HAPLN1: variants seen among roughly 807,000 people sequenced by gnomAD.
HAPLN1 encodes the protein Cartilage link protein.
Under a neutral mutation model 36.5 loss-of-function variants are expected in HAPLN1, and 13 were observed. The observed-to-expected ratio is 0.36, with a 90% CI of 0.23 to 0.57. The LOEUF is 0.57. Ranked by LOEUF, HAPLN1 falls within the 20% of genes least tolerant of loss-of-function variation. The probability of loss-of-function intolerance (pLI) is 0.83; values close to 1 mark genes in which losing one functional copy is unlikely to be tolerated. For missense variants in HAPLN1, 407 were observed against 439.7 expected, an observed-to-expected ratio of 0.93 and a Z score of 0.66; for synonymous variants, 202 against 169.8, an observed-to-expected ratio of 1.19 and a Z score of -1.48.
chr5:83,710,989 G>A (rs1181048035), intron 1 of HAPLN1, among the ~76,000 whole-genome samples: 5 of 151,926 alleles, frequency 3.3e-5, no homozygotes, highest in African/African-American at 1.2e-4. Flanking sequence ...GAGTGGGAGA[G>A]GTTGATAATA....
intron 1 of HAPLN1, among the ~76,000 whole-genome samples, chr5:83,709,266 A>G (rs1689558969): frequency 6.6e-6 from 1 of 152,160 alleles, no homozygotes; most frequent in Admixed American, 6.5e-5. Flanking sequence ...CTATTTTCAT[A>G]TTGGGCAAAT....
chr5:83,648,497 C>T (rs890336973), intron 3 of HAPLN1, among the ~76,000 whole-genome samples: 10 of 138,920 alleles, frequency 7.2e-5, no homozygotes, highest in African/African-American at 2.7e-4. Flanking sequence ...GGCTTGAATC[C>T]AAGGCAGAAT....
chr5:83,664,508 A>G (rs1750502008), intron 2 of HAPLN1, among the ~76,000 whole-genome samples: 1 of 151,814 alleles, frequency 6.6e-6, no homozygotes. Context: ...TCGGCCTTCC[A>G]AGCAGCTGGG....
chr5:83,652,308 G>T, intron 3 of HAPLN1, 145 bp downstream of exon 3: 1 of 765,204 alleles, frequency 1.3e-6, no homozygotes. Flanking sequence ...TAGGCAGACT[G>T]TAGAATACAA....
intron 1 of HAPLN1, among the ~76,000 whole-genome samples, chr5:83,701,959 A>AC (rs1561322716): frequency 1.4e-4 from 20 of 145,196 alleles, no homozygotes; most frequent in African/African-American, 3.0e-4. Context: ...CACACACACA[A>AC]AATCTATATG....
chr5:83,641,757 G>T lies in HAPLN1; in HGVS notation c.804C>A (p.Thr268=). ...NGRFYYLIHP[T]KLTYDEAVQA... is the part of the protein sequence containing the mutation. ...GCACCGCTTCATCATAGGTCAGTTTGGTGGGGTGGATCAGATAGTAAAAAC... is the reference window on the plus strand; with the variant it reads ...GCACCGCTTCATCATAGGTCAGTTTTGTGGGGTGGATCAGATAGTAAAAAC... Residue 268 remains threonine, a synonymous_variant, in exon 5 of 5, where the codon ACC becomes ACA. Transcript: ENST00000274341. 1.2e-6 allele frequency: 2 copies of T among 1,614,100 alleles called. No individual in the cohort carries two copies. The highest frequency in any genetic ancestry group is 1.7e-6 in the Non-Finnish European group (2 of 1,180,004).
intron 1 of HAPLN1, among the ~76,000 whole-genome samples, chr5:83,701,927 AACACACACACACAC>A (rs112813015): frequency 1.5e-4 from 21 of 143,848 alleles, no homozygotes; most frequent in African/African-American, 5.2e-4. Context: ...CTTCGACAAA[AACACACACACACAC>A]ACACACACAC....
chr5:83,672,817 C>G (rs1449732832), intron 2 of HAPLN1, among the ~76,000 whole-genome samples: 2 of 152,174 alleles, frequency 1.3e-5, no homozygotes, highest in Admixed American at 6.5e-5. Context: ...TGCAGGATGT[C>G]CCTCATCTGA....
intron 1 of HAPLN1, among the ~76,000 whole-genome samples, chr5:83,684,608 A>G (rs1188189870): frequency 6.6e-6 from 1 of 152,158 alleles, no homozygotes; most frequent in Non-Finnish European, 1.5e-5. Flanking sequence ...CTGCTTAATC[A>G]TATGAACTGT....
At chr5:83,662,568 T>C (rs1482351174) in intron 2 of HAPLN1, among the ~76,000 whole-genome samples, 1 of 152,188 alleles carries the variant, frequency 6.6e-6, no homozygotes, top group African/African-American at 2.4e-5. Flanking sequence ...AATTAGAATA[T>C]TTTACTAATA....
chr5:83,691,871 A>G (rs564883350), intron 1 of HAPLN1, among the ~76,000 whole-genome samples: 1 of 152,082 alleles, frequency 6.6e-6, no homozygotes, highest in South Asian at 2.1e-4. Context: ...TATTATATCT[A>G]TATTTCAAAT....
At chr5:83,705,593 C>T (rs1751623972) in intron 1 of HAPLN1, among the ~76,000 whole-genome samples, 3 of 152,024 alleles carry the variant, frequency 2.0e-5, no homozygotes, top group Admixed American at 1.3e-4. Flanking sequence ...GAGGGAAAGT[C>T]ATAGCACTAA....
intron 1 of HAPLN1, among the ~76,000 whole-genome samples, chr5:83,702,601 C>G (rs1234328125): frequency 9.9e-5 from 15 of 152,154 alleles, no homozygotes; most frequent in Admixed American, 9.8e-4. Context: ...ATAGTCAAGC[C>G]AACCCACTGA....
intron 1 of HAPLN1, chr5:83,686,079 A>G (rs1288185986): frequency 7.2e-6 from 1 of 139,246 alleles, no homozygotes; most frequent in Non-Finnish European, 1.5e-5. Context: ...ACTGGAGATT[A>G]TTTGAAATTG....
At chr5:83,683,573 T>A (rs550718767) in intron 1 of HAPLN1, among the ~76,000 whole-genome samples, 1 of 152,290 alleles carries the variant, frequency 6.6e-6, no homozygotes, top group East Asian at 1.9e-4. Context: ...CTTTGAATAA[T>A]CTCTTATACC....
At chr5:83,716,561 C>A (rs182079823) in intron 1 of HAPLN1, among the ~76,000 whole-genome samples, 1 of 152,152 alleles carries the variant, frequency 6.6e-6, no homozygotes, top group African/African-American at 2.4e-5. Context: ...TTAATAACAG[C>A]TATCTCCTTC....
intron 3 of HAPLN1, among the ~76,000 whole-genome samples, chr5:83,645,395 T>C (rs779025639): frequency 2.6e-5 from 4 of 151,760 alleles, no homozygotes; most frequent in Non-Finnish European, 5.9e-5. Context: ...AGAACAGCTC[T>C]AAATGCAGCC....
chr5:83,645,470 TCTTTC>T (rs1332317332), intron 3 of HAPLN1, among the ~76,000 whole-genome samples: 1 of 100,318 alleles, frequency 1.0e-5, no homozygotes, highest in Non-Finnish European at 1.9e-5. Flanking sequence ...TTTTTCTTTT[TCTTTC>T]TTTTTTTTTT....
chr5:83,705,409 A>AAAAAAAAG (rs1751618993), intron 1 of HAPLN1, among the ~76,000 whole-genome samples: 1 of 143,904 alleles, frequency 6.9e-6, no homozygotes, highest in African/African-American at 2.5e-5. Flanking sequence ...AAAAAAAAAA[A>AAAAAAAAG]GAAAGAAAGA....
Sources: gnomAD v4.1 joint callset for allele counts (sites outside exome capture counted in the v4.1 genomes callset) on GRCh38, gnomAD v4.1.1 for gene constraint, MANE v1.5 for transcripts, NCBI Gene and HGNC (gene_info 2026-07-23, HGNC 2026-07-21) for gene names.